The following ATRN variants were observed in gnomAD, a reference collection of about 807,000 sequenced individuals.
The protein encoded by ATRN is attractin-2.
Under a neutral mutation model 178.7 loss-of-function variants are expected in ATRN, and 54 were observed. The observed-to-expected ratio is 0.30, with a 90% CI of 0.24 to 0.38. The LOEUF (loss-of-function observed/expected upper bound fraction) is 0.38, where lower values mean the gene tolerates loss of function less well. Ranked by LOEUF, ATRN falls within the 10% of genes least tolerant of loss-of-function variation. The pLI, the probability that ATRN is intolerant of heterozygous loss-of-function variation, is 1.00. For synonymous variants in ATRN, 636 were observed against 663.0 expected (o/e 0.96, Z 0.63); for missense variants, 1,443 against 1,815.1 (o/e 0.79, Z 3.73).
At chr20:3,508,135 G>A (rs1484359467) in intron 1 of ATRN, among the ~76,000 whole-genome samples, 1 of 151,806 alleles carries the variant, frequency 6.6e-6, no homozygotes, top group Non-Finnish European at 1.5e-5. Context: ...GATTCCTTGA[G>A]CCCAGGAGTT....
At chr20:3,626,398 AAAAAG>A (rs577263268) in intron 25 of ATRN, among the ~76,000 whole-genome samples, 18 of 45,736 alleles carry the variant, frequency 3.9e-4, no homozygotes, top group Admixed American at 3.1e-3. Flanking sequence ...TTTCTCTCTT[AAAAAG>A]AAAAGTATAT....
chr20:3,521,444 A>G (rs1439255692), intron 1 of ATRN, among the ~76,000 whole-genome samples: 2 of 152,258 alleles, frequency 1.3e-5, no homozygotes, highest in African/African-American at 4.8e-5. Flanking sequence ...TCAAGAAGAC[A>G]GAACAGTCCT....
intron 1 of ATRN, among the ~76,000 whole-genome samples, chr20:3,526,648 A>G (rs1459112321): frequency 1.3e-5 from 2 of 152,208 alleles, no homozygotes; most frequent in African/African-American, 4.8e-5. Flanking sequence ...AGCAAAAAGA[A>G]CAAAGCTGGA....
At chr20:3,495,021 AT>A (rs971290492) in intron 1 of ATRN, among the ~76,000 whole-genome samples, 86 of 152,338 alleles carry the variant, frequency 5.6e-4, no homozygotes, top group African/African-American at 2.0e-3. Context: ...AACATATAGA[AT>A]TCATTTATAA....
chr20:3,602,257 G>A (rs854821), intron 23 of ATRN, among the ~76,000 whole-genome samples: 147,453 of 152,052 alleles, frequency 0.97, 71,547 homozygotes, highest in East Asian at 1. Context: ...TTGAACCTTG[G>A]AGGTAGAGGT....
At chr20:3,494,760 G>T (rs961119791) in intron 1 of ATRN, among the ~76,000 whole-genome samples, 3 of 152,208 alleles carry the variant, frequency 2.0e-5, no homozygotes, top group Non-Finnish European at 4.4e-5. Context: ...AGCTTGGGCA[G>T]TTAGCAACAT....
chr20:3,634,759 G>A (rs1367970522), intron 26 of ATRN, among the ~76,000 whole-genome samples: 1 of 152,170 alleles, frequency 6.6e-6, no homozygotes, highest in African/African-American at 2.4e-5. Context: ...ATGAGAACTT[G>A]TCATGCGAGA....
At chr20:3,529,957 A>G (rs1028331194) in intron 1 of ATRN, among the ~76,000 whole-genome samples, 1 of 152,154 alleles carries the variant, frequency 6.6e-6, no homozygotes, top group African/African-American at 2.4e-5. Flanking sequence ...GAAGCAAACT[A>G]TTGAAAACTT....
At chr20:3,584,576 T>C in intron 17 of ATRN, 71 bp from the exon 18 acceptor site, 1 of 1,109,650 alleles carries the variant, frequency 9.0e-7, no homozygotes, top group Non-Finnish European at 1.3e-6. Flanking sequence ...AATAGTCTGT[T>C]AAAAAAAAAG....
chr20:3,526,324 G>T (rs555301694), intron 1 of ATRN, among the ~76,000 whole-genome samples: 1 of 152,014 alleles, frequency 6.6e-6, no homozygotes, highest in Non-Finnish European at 1.5e-5. Flanking sequence ...GCCAAATAAC[G>T]AGTGAACTCC....
intron 6 of ATRN, among the ~76,000 whole-genome samples, chr20:3,558,881 G>A (rs1288140470): frequency 6.6e-6 from 1 of 151,968 alleles, no homozygotes; most frequent in Non-Finnish European, 1.5e-5. Context: ...TGGCATTTTT[G>A]TATTTTAAGG....
intron 27 of ATRN, among the ~76,000 whole-genome samples, chr20:3,643,375 A>G (rs1034367142): frequency 6.6e-6 from 1 of 152,112 alleles, no homozygotes; most frequent in Non-Finnish European, 1.5e-5. Flanking sequence ...AGTTTGTTAC[A>G]CTAATATAAG....
intron 18 of ATRN, among the ~76,000 whole-genome samples, chr20:3,588,981 G>GTTTTTTTTTT (rs386393128): frequency 3.0e-4 from 30 of 99,792 alleles, no homozygotes; most frequent in Non-Finnish European, 3.5e-4. Flanking sequence ...ATTTTCTTTT[G>GTTTTTTTTTT]TTTTTTTTTT....
chr20:3,584,623 A>C, intron 17 of ATRN, 24 bp from the exon 18 acceptor site: 1 of 1,549,318 alleles, frequency 6.5e-7, no homozygotes, highest in Non-Finnish European at 8.9e-7. Flanking sequence ...GTGATAGTCA[A>C]TTGCAACTTT....
At chr20:3,497,835 A>T (rs567814452) in intron 1 of ATRN, among the ~76,000 whole-genome samples, 36 of 152,254 alleles carry the variant, frequency 2.4e-4, no homozygotes, top group Admixed American at 4.6e-4. Context: ...ACATAGTCCC[A>T]TATTTCTTGG....
chr20:3,624,591 ACTCT>A lies in ATRN; in HGVS notation c.3863+24_3863+27del. On this transcript the variant is annotated intron_variant, in intron 25 of 28. Transcript: ENST00000262919. ...TCTTCAGGTAATTTTGCTTATACAG[ACTCT>A]CTCTGTTCTTTTGATTTAGGCACTA... is the stretch of plus-strand genomic sequence containing the variant. The A allele has an allele frequency of 3.8e-6, 6 of 1,595,308 alleles. No individual in the cohort carries two copies. The highest frequency in any genetic ancestry group is 4.3e-6 in the Non-Finnish European group (5 of 1,163,476).
At chr20:3,536,951 G>A (rs930179320) in intron 2 of ATRN, among the ~76,000 whole-genome samples, 1 of 152,132 alleles carries the variant, frequency 6.6e-6, no homozygotes, top group African/African-American at 2.4e-5. Context: ...CTATGTTAAG[G>A]AACTTTTGGT....
At chr20:3,484,734 G>A (rs1035298073) in intron 1 of ATRN, among the ~76,000 whole-genome samples, 3 of 149,464 alleles carry the variant, frequency 2.0e-5, no homozygotes, top group African/African-American at 5.0e-5. Flanking sequence ...TCCATCCTTC[G>A]CATCCTTCTG....
intron 15 of ATRN, 108 bp downstream of exon 15, chr20:3,578,880 A>C (rs2086245639): frequency 1.7e-5 from 18 of 1,074,766 alleles, no homozygotes; most frequent in Non-Finnish European, 2.3e-5. Context: ...CGTGCTTGGC[A>C]AGAAGGGGAG....
Sources: gnomAD v4.1 joint callset for allele counts (sites outside exome capture counted in the v4.1 genomes callset) on GRCh38, gnomAD v4.1.1 for gene constraint, MANE v1.5 for transcripts, NCBI Gene and HGNC (gene_info 2026-07-23, HGNC 2026-07-21) for gene names.